Variants in NOXRED1 observed in about 807,000 individuals in gnomAD.
NOXRED1 encodes the protein NADP-dependent oxidoreductase domain-containing protein 1.
NOXRED1 carries 20 observed loss-of-function variants against 30.4 expected under a neutral mutation model. The observed-to-expected ratio is 0.66, with a 90% CI of 0.46 to 0.96. The LOEUF is 0.96. Among genes scored for constraint, NOXRED1 ranks in the 40% least tolerant of loss-of-function variants. The pLI, the probability that NOXRED1 is intolerant of heterozygous loss-of-function variation, is 0.00. For missense variants in NOXRED1, 374 were observed against 428.0 expected (o/e 0.87, Z 1.11); for synonymous variants, 155 against 168.0 (o/e 0.92, Z 0.60).
chr14:77,407,414 A>C, intron 3 of NOXRED1, 51 bp downstream of exon 3: 1 of 1,372,808 alleles, frequency 7.3e-7, no homozygotes, highest in Non-Finnish European at 1.0e-6. Flanking sequence ...GAAGTCAGAG[A>C]TAAGGAGACA....
rs1418465537 is a variant in NOXRED1 at position 77,407,454 on chromosome 14, T to C, written c.530+11A>G. The C allele has an allele frequency of 1.9e-6, 3 of 1,606,622 alleles. No homozygotes were observed. The highest frequency in any genetic ancestry group is 2.6e-6 in the Non-Finnish European group (3 of 1,173,546). On this transcript the variant is annotated intron_variant, in intron 3 of 5. Transcript: ENST00000380835. ...AGTTGTGCCAGTTCCATTCTCACCCTAACAAGATACCTGGGTAGTGGGATG... is the reference window on the plus strand; with the variant it reads ...AGTTGTGCCAGTTCCATTCTCACCCCAACAAGATACCTGGGTAGTGGGATG...
intron 3 of NOXRED1, among the ~76,000 whole-genome samples, 159 bp downstream of exon 3, chr14:77,407,306 T>C (rs1197239270): frequency 6.6e-6 from 1 of 152,192 alleles, no homozygotes; most frequent in Non-Finnish European, 1.5e-5. Context: ...ACGAGAAAGA[T>C]TGGCTAACTA....
intron 5 of NOXRED1, among the ~76,000 whole-genome samples, chr14:77,395,109 C>CT (rs35389923): frequency 0.35 from 48,292 of 137,532 alleles, 10,710 homozygotes; most frequent in African/African-American, 0.63. Context: ...TTTTTTCTTT[C>CT]TTTTTTTTTT....
intron 5 of NOXRED1, among the ~76,000 whole-genome samples, chr14:77,402,782 A>G (rs139841926): frequency 0.01 from 1,597 of 152,278 alleles, 26 homozygotes; most frequent in African/African-American, 0.036. Flanking sequence ...CATGCCTGTA[A>G]TCCCAGTATT....
At chr14:77,416,904 G>A (rs1411661162) in intron 1 of NOXRED1, among the ~76,000 whole-genome samples, 2 of 152,220 alleles carry the variant, frequency 1.3e-5, no homozygotes, top group Non-Finnish European at 2.9e-5. Context: ...CAGTAGGGGC[G>A]GCCCTTTCTT....
At chr14:77,397,814 G>A (rs1033619663) in intron 5 of NOXRED1, among the ~76,000 whole-genome samples, 4 of 151,360 alleles carry the variant, frequency 2.6e-5, no homozygotes, top group African/African-American at 7.3e-5. Flanking sequence ...CCTGGGAAGC[G>A]GAGGTTGCAG....
chr14:77,406,445 C>T lies in NOXRED1; in HGVS notation c.682+279G>A, dbSNP rs1473971812. 3 of 594,492 alleles carry T rather than the reference C, an allele frequency of 5.0e-6. No individual in the cohort carries two copies. In the African/African-American group the frequency reaches 5.6e-5, roughly 11 times the overall value. The allele number at this position is 594,492 out of a possible 1,614,324, so 36.8% of individuals were successfully genotyped here. A position where few individuals can be genotyped will look rare whatever the true frequency, so the allele number is the denominator to read the frequency against. The stretch of plus-strand genomic sequence containing the variant: ...ACTGGGGAAAACTACAAGATTAGAA[C>T]AGGGAAAAGCCATTTTAGTCCAACA... On this transcript the variant is annotated intron_variant, in intron 4 of 5. Coordinates refer to ENST00000380835, the MANE Select transcript of NOXRED1 (RefSeq NM_001113475.3).
chr14:77,400,236 A>AT (rs1778917434), intron 5 of NOXRED1, among the ~76,000 whole-genome samples: 1 of 152,368 alleles, frequency 6.6e-6, no homozygotes, highest in African/African-American at 2.4e-5. Context: ...GGAAAATGAT[A>AT]TAGGTCAGAA....
chr14:77,420,476 C>T (rs1158953215), intron 1 of NOXRED1, among the ~76,000 whole-genome samples: 1 of 151,528 alleles, frequency 6.6e-6, no homozygotes, highest in African/African-American at 2.4e-5. Context: ...GCATCCCAAA[C>T]TGCTGGGATT....
intron 5 of NOXRED1, among the ~76,000 whole-genome samples, chr14:77,398,353 C>A (rs567284806): frequency 1.5e-4 from 23 of 152,312 alleles, no homozygotes; most frequent in African/African-American, 5.5e-4. Context: ...TGAAATATGG[C>A]AGAGCATTCT....
rs1212200514 is a variant in NOXRED1, at chr14:77,414,088, TGA to T, written c.193_194del (p.Ser65AsnfsTer5). The T allele has an allele frequency of 6.2e-7, 1 of 1,605,088 alleles. No homozygotes were observed. The highest frequency in any genetic ancestry group is 1.3e-5 in the African/African-American group (1 of 74,712). On this transcript the variant is annotated frameshift_variant, in exon 2 of 6. Transcript: ENST00000380835. LOFTEE classifies it high-confidence loss of function. ...GAGTGGCTGAATTAAGGGAGCCAAT[TGA>T]GAGATGTCTGGAACTTTGATTCTTA... ...LNKNQSSRHLSIGSLNSATPE... is the reference protein window; with the variant it reads ...LNKNQSSRHLXIGSLNSATPE...
chr14:77,414,039 T>C lies in NOXRED1; in HGVS notation c.244A>G (p.Ile82Val). ...ATPEEFKVGI[I>V]GGGHLGKQLA... ...TGCTTCCCAAGGTGGCCACCTCCAA[T>C]GATGCCCACCTTAAACTCTTCAGGA... Residue 82 changes from isoleucine to valine, a missense_variant, in exon 2 of 6, where the codon ATT becomes GTT. Physicochemically the swap from Ile to Val is conservative, Grantham distance 29. Transcript: ENST00000380835. 1 of 1,612,394 alleles carries C rather than the reference T, an allele frequency of 6.2e-7. No individual in the cohort carries two copies. Among genetic ancestry groups the C allele is most frequent in the Non-Finnish European group, 8.5e-7 (1 of 1,178,686 alleles).
chr14:77,422,723 T>C lies in NOXRED1; in HGVS notation c.155+12A>G, dbSNP rs1053104683. 9 of 1,612,914 alleles carry C rather than the reference T, an allele frequency of 5.6e-6. No individual in the cohort carries two copies. In the African/African-American group the frequency reaches 1.2e-4, roughly 22 times the overall value. On this transcript the variant is annotated intron_variant, in intron 1 of 5. Coordinates refer to ENST00000380835, the MANE Select transcript of NOXRED1 (RefSeq NM_001113475.3). ...TCTTGTCCATCTTCCTGAATTTGGATACTCGGCTTACCTCAAATTATATAA... is the reference window on the plus strand; with the variant it reads ...TCTTGTCCATCTTCCTGAATTTGGACACTCGGCTTACCTCAAATTATATAA...
intron 2 of NOXRED1, among the ~76,000 whole-genome samples, chr14:77,411,419 G>A (rs958953878): frequency 5.1e-4 from 73 of 142,408 alleles, no homozygotes; most frequent in African/African-American, 1.7e-3. Flanking sequence ...GCCGTGAGCC[G>A]AGATCACACC....
chr14:77,419,690 C>T (rs546581560), intron 1 of NOXRED1, among the ~76,000 whole-genome samples: 6 of 150,898 alleles, frequency 4.0e-5, no homozygotes, highest in South Asian at 2.1e-4. Flanking sequence ...CATCGTGATC[C>T]GCCCCCCTCA....
chr14:77,423,961 T>C (rs1895065751), upstream of NOXRED1, among the ~76,000 whole-genome samples: 1 of 152,234 alleles, frequency 6.6e-6, no homozygotes, highest in Non-Finnish European at 1.5e-5. Flanking sequence ...AAGGAACGCC[T>C]ACACCCATTA....
intron 5 of NOXRED1, among the ~76,000 whole-genome samples, chr14:77,402,129 T>A (rs113946375): frequency 0.051 from 7,762 of 152,300 alleles, 282 homozygotes; most frequent in Middle Eastern, 0.095. Context: ...GACTTTATAG[T>A]TGTTAACACC....
At chr14:77,404,200 T>G (rs1374218129) in intron 5 of NOXRED1, among the ~76,000 whole-genome samples, 1 of 152,092 alleles carries the variant, frequency 6.6e-6, no homozygotes, top group Non-Finnish European at 1.5e-5. Context: ...AAGAGATGTT[T>G]CCATGACAGG....
chr14:77,420,378 G>T (rs958463), intron 1 of NOXRED1, among the ~76,000 whole-genome samples: 69,627 of 149,818 alleles, frequency 0.46, 17,403 homozygotes, highest in East Asian at 0.92. Context: ...GTTTTTTTTT[G>T]TTTTGTTTTG....
Sources: gnomAD v4.1 joint callset for allele counts (sites outside exome capture counted in the v4.1 genomes callset) on GRCh38, gnomAD v4.1.1 for gene constraint, MANE v1.5 for transcripts, NCBI Gene and HGNC (gene_info 2026-07-23, HGNC 2026-07-21) for gene names.